The following AKAP10 variants were observed in gnomAD, a reference collection of about 807,000 sequenced individuals.
AKAP10 encodes the protein A-kinase anchor protein 10, mitochondrial.
AKAP10 carries 24 observed loss-of-function variants against 80.8 expected under a neutral mutation model. The ratio of observed to expected loss-of-function variants is 0.30; its 90% CI spans 0.22 to 0.42. The LOEUF is 0.42. Among genes scored for constraint, AKAP10 ranks in the 10% least tolerant of loss-of-function variants. The probability of loss-of-function intolerance (pLI) is 1.00; values close to 1 mark genes in which losing one functional copy is unlikely to be tolerated. For synonymous variants in AKAP10, 291 were observed against 277.7 expected (o/e 1.05, Z -0.48); for missense variants, 661 against 794.9 (o/e 0.83, Z 2.03).
chr17:19,928,452 AAAC>A (rs2042897349), intron 10 of AKAP10, among the ~76,000 whole-genome samples: 2 of 152,312 alleles, frequency 1.3e-5, no homozygotes, highest in Middle Eastern at 3.4e-3. Flanking sequence ...AGAAGCTGTA[AAAC>A]TCATACACTG....
At chr17:19,961,952 C>CA (rs2043354883) in intron 3 of AKAP10, among the ~76,000 whole-genome samples, 1 of 151,982 alleles carries the variant, frequency 6.6e-6, no homozygotes, top group Non-Finnish European at 1.5e-5. Flanking sequence ...CCTGTCTCTA[C>CA]AAAAAATTAA....
chr17:19,964,690 G>C (rs945488439), intron 2 of AKAP10, among the ~76,000 whole-genome samples: 3 of 152,130 alleles, frequency 2.0e-5, no homozygotes, highest in Non-Finnish European at 2.9e-5. Context: ...AGGAGTTCGA[G>C]ACCAGTCTGG....
chr17:19,963,025 A>G lies in AKAP10; in HGVS notation c.137-3T>C, dbSNP rs755449627. ...TGGGGAATGTACGGATATTGAAGCT[A>G]TAATTTTTCAAAAAATTGTTAAGAA... is the stretch of plus-strand genomic sequence containing the variant. On this transcript the variant is annotated splice_polypyrimidine_tract_variant and splice_region_variant and intron_variant, in intron 2 of 14. Transcript: ENST00000225737. 6 of 1,593,102 alleles carry G rather than the reference A, an allele frequency of 3.8e-6. No homozygotes were observed. The Admixed American group carries it at 8.5e-5, about 23-fold the overall frequency.
intron 11 of AKAP10, among the ~76,000 whole-genome samples, chr17:19,921,407 C>G (rs1428197835): frequency 6.6e-6 from 1 of 151,990 alleles, no homozygotes; most frequent in East Asian, 1.9e-4. Context: ...CTGCCCGCCT[C>G]GGCCTCCCAA....
At chr17:19,928,988 C>T (rs2042904088) in intron 10 of AKAP10, among the ~76,000 whole-genome samples, 3 of 152,198 alleles carry the variant, frequency 2.0e-5, no homozygotes, top group African/African-American at 7.2e-5. Flanking sequence ...TGTCATAAAT[C>T]CTTGCAATGG....
At chr17:19,949,097 G>A (rs549470988) in intron 4 of AKAP10, among the ~76,000 whole-genome samples, 80 of 152,072 alleles carry the variant, frequency 5.3e-4, no homozygotes, top group Non-Finnish European at 9.0e-4. Context: ...ACAATCAAGA[G>A]GACACATATG....
chr17:19,972,992 T>C (rs1039437310), intron 1 of AKAP10, among the ~76,000 whole-genome samples: 17 of 152,062 alleles, frequency 1.1e-4, no homozygotes, highest in African/African-American at 3.9e-4. Context: ...CACTACCTTT[T>C]GTTTTGTTTT....
intron 3 of AKAP10, among the ~76,000 whole-genome samples, chr17:19,962,107 C>T (rs1022064029): frequency 1.3e-5 from 2 of 152,016 alleles, no homozygotes; most frequent in Non-Finnish European, 2.9e-5. Context: ...CAGAGTAAAA[C>T]CCTGTCTCAA....
intron 5 of AKAP10, among the ~76,000 whole-genome samples, chr17:19,946,258 TATATATATATATATATA>T (rs1567765835): frequency 2.4e-4 from 6 of 24,690 alleles, no homozygotes; most frequent in African/African-American, 5.0e-4. Context: ...TATATATATA[TATATATATATATATATA>T]TTTTTTTTTT....
chr17:19,972,081 G>A (rs915310387), intron 1 of AKAP10, among the ~76,000 whole-genome samples: 5 of 152,186 alleles, frequency 3.3e-5, no homozygotes, highest in Non-Finnish European at 7.3e-5. Flanking sequence ...ATTCTAGCCT[G>A]GGCGACATAG....
rs1218969789 is a variant in AKAP10, at chr17:19,904,514, C to T, written c.*1713G>A. The T allele has an allele frequency of 6.6e-6, 1 of 152,116 alleles. No homozygotes were observed. Among genetic ancestry groups the T allele is most frequent in the African/African-American group, 2.4e-5 (1 of 41,428 alleles). The allele number at this position is 152,116 out of a possible 1,614,324, so 9.4% of individuals were successfully genotyped here. On this transcript the variant is annotated 3_prime_UTR_variant, in exon 15 of 15. Coordinates refer to ENST00000225737, the MANE Select transcript of AKAP10 (RefSeq NM_007202.4). ...ATTTTATTCTATAACCTTTATATTGCTTTTCTGTTAAAGATTGAAGCAATG... is the reference window on the plus strand; with the variant it reads ...ATTTTATTCTATAACCTTTATATTGTTTTTCTGTTAAAGATTGAAGCAATG...
At chr17:19,910,731 A>G (rs2042681328) in intron 12 of AKAP10, among the ~76,000 whole-genome samples, 2 of 152,174 alleles carry the variant, frequency 1.3e-5, no homozygotes, top group African/African-American at 4.8e-5. Context: ...ACCAGCTCCT[A>G]TATAAAAGGG....
Position 19,917,226 on chromosome 17 carries a change from C to T in AKAP10, c.1834+2810G>A, listed in dbSNP as rs557705642. On this transcript the variant is annotated intron_variant, in intron 12 of 14. Transcript: ENST00000225737. ...CTTGCAGTGAGCCAAGATCGCGCCA[C>T]AGCACTCCAGCCTGGCCGACAGAGA... 8.6e-5 allele frequency among the ~76,000 whole-genome samples: 13 copies of T among 151,770 alleles called. No individual in the cohort carries two copies. In the South Asian group the frequency reaches 2.3e-3, roughly 27 times the overall value.
chr17:19,931,665 A>T, intron 10 of AKAP10, 140 bp downstream of exon 10: 1 of 976,142 alleles, frequency 1.0e-6, no homozygotes, highest in Non-Finnish European at 1.4e-6. Flanking sequence ...TGCTGGGATT[A>T]CAGGCACAGG....
chr17:19,970,145 A>G (rs1597533795), intron 1 of AKAP10, among the ~76,000 whole-genome samples: 1 of 152,328 alleles, frequency 6.6e-6, no homozygotes, highest in Admixed American at 6.5e-5. Context: ...CTAAAAGGGA[A>G]CATGTCATCT....
intron 5 of AKAP10, among the ~76,000 whole-genome samples, chr17:19,945,000 G>GAA (rs2043088196): frequency 6.6e-6 from 1 of 152,228 alleles, no homozygotes; most frequent in Admixed American, 6.5e-5. Flanking sequence ...TAGTCCAACT[G>GAA]CAAGAGGAGA....
At chr17:19,918,018 G>A (rs540166033) in intron 12 of AKAP10, among the ~76,000 whole-genome samples, 3 of 151,580 alleles carry the variant, frequency 2.0e-5, no homozygotes, top group South Asian at 2.1e-4. Flanking sequence ...CAGGAGTTCC[G>A]AGACCAGCCT....
intron 14 of AKAP10, among the ~76,000 whole-genome samples, chr17:19,908,318 G>C (rs1015506335): frequency 3.3e-5 from 5 of 152,142 alleles, no homozygotes; most frequent in African/African-American, 1.2e-4. Flanking sequence ...TTGTACTCTA[G>C]GACTAATTTA....
chr17:19,947,545 C>T, intron 4 of AKAP10, 40 bp from the exon 5 acceptor site: 1 of 1,332,318 alleles, frequency 7.5e-7, no homozygotes, highest in Non-Finnish European at 1.1e-6. Flanking sequence ...CAAAAAGCAA[C>T]TTGGACTCCA....
Sources: gnomAD v4.1 joint callset for allele counts (sites outside exome capture counted in the v4.1 genomes callset) on GRCh38, gnomAD v4.1.1 for gene constraint, MANE v1.5 for transcripts, NCBI Gene and HGNC (gene_info 2026-07-23, HGNC 2026-07-21) for gene names.